Variants in GBE1 observed in about 807,000 individuals in gnomAD.
GBE1 encodes 1,4-alpha-glucan-branching enzyme.
Under a neutral mutation model 88.8 loss-of-function variants are expected in GBE1, and 70 were observed. The ratio of observed to expected loss-of-function variants is 0.79; its 90% CI spans 0.65 to 0.96. The LOEUF (loss-of-function observed/expected upper bound fraction) is 0.96, where lower values mean the gene tolerates loss of function less well. GBE1 is among the 40% of genes least tolerant of loss of function. The probability of loss-of-function intolerance (pLI) is 0.00; values close to 1 mark genes in which losing one functional copy is unlikely to be tolerated. For synonymous variants in GBE1, 284 were observed against 300.1 expected (o/e 0.95, Z 0.56); for missense variants, 872 against 871.0 (o/e 1.00, Z -0.01).
chr3:81,653,126 A>G (rs1377799179), intron 3 of GBE1, among the ~76,000 whole-genome samples: 1 of 152,124 alleles, frequency 6.6e-6, no homozygotes, highest in African/African-American at 2.4e-5. Flanking sequence ...AGCAGTATAA[A>G]ATTTCTGAAT....
At chr3:81,508,540 C>G (rs774230337) in intron 14 of GBE1, among the ~76,000 whole-genome samples, 1 of 152,058 alleles carries the variant, frequency 6.6e-6, no homozygotes, top group South Asian at 2.1e-4. Flanking sequence ...AGACTCAACA[C>G]TTTTTTTAAA....
At chr3:81,597,505 A>ATATC (rs1480382684) in intron 7 of GBE1, among the ~76,000 whole-genome samples, 8 of 146,032 alleles carry the variant, frequency 5.5e-5, no homozygotes, top group East Asian at 2.0e-4. Context: ...ATATATATAT[A>ATATC]TCTCATTGGT....
At chr3:81,594,419 G>C (rs910644443) in intron 7 of GBE1, among the ~76,000 whole-genome samples, 1 of 151,840 alleles carries the variant, frequency 6.6e-6, no homozygotes, top group African/African-American at 2.4e-5. Flanking sequence ...TTTTTAAAAA[G>C]GATTTTCATG....
chr3:81,512,946 C>T lies in GBE1; in HGVS notation c.1935-13719G>A, dbSNP rs995386221. ...TGAAAAAAAATAAGCTTATATATATCTTAACCCAAGTAATTTTGTTTAATT... is the reference window on the plus strand; with the variant it reads ...TGAAAAAAAATAAGCTTATATATATTTTAACCCAAGTAATTTTGTTTAATT... On this transcript the variant is annotated intron_variant, in intron 14 of 15. Transcript: ENST00000429644. Among the ~76,000 whole-genome samples the T allele has an allele frequency of 4.0e-5, 6 of 151,796 alleles. No homozygotes were observed. The East Asian group carries it at 9.7e-4, about 25-fold the overall frequency.
chr3:81,565,966 A>G (rs1703489181), intron 12 of GBE1, among the ~76,000 whole-genome samples: 1 of 152,284 alleles, frequency 6.6e-6, no homozygotes, highest in African/African-American at 2.4e-5. Flanking sequence ...TTTAAACTTT[A>G]TTTACTGATG....
chr3:81,731,850 T>G (rs1469689876), intron 1 of GBE1, among the ~76,000 whole-genome samples: 3 of 152,136 alleles, frequency 2.0e-5, no homozygotes, highest in Non-Finnish European at 2.9e-5. Context: ...CAATTAAACT[T>G]CTTTTATTTA....
At chr3:81,490,610 T>C (rs1294374409) in intron 15 of GBE1, 147 bp from the exon 16 acceptor site, 5 of 695,830 alleles carry the variant, frequency 7.2e-6, no homozygotes, top group Admixed American at 2.8e-5. Flanking sequence ...GAAGGCTCAA[T>C]TTCACAGTTC....
At chr3:81,599,028 T>C (rs1251449964) in intron 7 of GBE1, among the ~76,000 whole-genome samples, 2 of 152,142 alleles carry the variant, frequency 1.3e-5, no homozygotes, top group Non-Finnish European at 2.9e-5. Context: ...TAAATTGTAC[T>C]TAGCATATTA....
At chr3:81,495,333 G>C (rs1158814986) in intron 15 of GBE1, among the ~76,000 whole-genome samples, 1 of 152,130 alleles carries the variant, frequency 6.6e-6, no homozygotes, top group African/African-American at 2.4e-5. Flanking sequence ...AGGTTGCAGT[G>C]AGTCAAGATC....
intron 1 of GBE1, among the ~76,000 whole-genome samples, chr3:81,731,154 T>C (rs1165075936): frequency 2.6e-5 from 4 of 152,100 alleles, no homozygotes; most frequent in Non-Finnish European, 5.9e-5. Flanking sequence ...ACCCAACCTC[T>C]ATGGACTGTA....
At chr3:81,703,883 G>C (rs1337437551) in intron 2 of GBE1, among the ~76,000 whole-genome samples, 1 of 151,912 alleles carries the variant, frequency 6.6e-6, no homozygotes, top group African/African-American at 2.4e-5. Flanking sequence ...AGACATGATT[G>C]AAAGTATAAG....
intron 7 of GBE1, among the ~76,000 whole-genome samples, chr3:81,627,407 T>A (rs1704432927): frequency 1.3e-5 from 2 of 152,168 alleles, no homozygotes; most frequent in South Asian, 4.1e-4. Context: ...TGGCTTCGTA[T>A]AAAGGAGAAA....
rs138528614 is a variant in GBE1, at chr3:81,608,783, C to T, written c.993-14760G>A. 4.3e-3 allele frequency among the ~76,000 whole-genome samples: 652 copies of T among 152,282 alleles called. 4 individuals are homozygous for T. Among genetic ancestry groups the T allele is most frequent in the African/African-American group, 0.015 (612 of 41,566 alleles). ...TATCCATATAATCATATTTAATTTTCTCACTACACTTTTGGTAGGGTAGAG... is the reference window on the plus strand; with the variant it reads ...TATCCATATAATCATATTTAATTTTTTCACTACACTTTTGGTAGGGTAGAG... On this transcript the variant is annotated intron_variant, in intron 7 of 15. Coordinates refer to ENST00000429644, the MANE Select transcript of GBE1 (RefSeq NM_000158.4).
intron 1 of GBE1, among the ~76,000 whole-genome samples, chr3:81,750,304 T>TA (rs980318003): frequency 4.0e-5 from 6 of 151,754 alleles, no homozygotes; most frequent in African/African-American, 1.5e-4. Flanking sequence ...GGTACAATGT[T>TA]AAAGCCTCAT....
intron 7 of GBE1, among the ~76,000 whole-genome samples, chr3:81,625,791 T>G (rs901759558): frequency 6.6e-6 from 1 of 152,026 alleles, no homozygotes; most frequent in Non-Finnish European, 1.5e-5. Flanking sequence ...ATCACAAAGC[T>G]TAATCACCAA....
At chr3:81,556,584 T>C (rs1402761808) in intron 12 of GBE1, among the ~76,000 whole-genome samples, 2 of 152,118 alleles carry the variant, frequency 1.3e-5, no homozygotes, top group African/African-American at 2.4e-5. Flanking sequence ...TCTAGACTAC[T>C]ATCCAGGAAT....
chr3:81,563,624 G>A (rs1703450586), intron 12 of GBE1, among the ~76,000 whole-genome samples: 1 of 152,050 alleles, frequency 6.6e-6, no homozygotes, highest in African/African-American at 2.4e-5. Context: ...GACCTATCCA[G>A]TTCCCTGTAT....
At chr3:81,674,079 C>T (rs1705223187) in intron 2 of GBE1, among the ~76,000 whole-genome samples, 1 of 151,746 alleles carries the variant, frequency 6.6e-6, no homozygotes, top group Non-Finnish European at 1.5e-5. Flanking sequence ...CAAATAAATC[C>T]CTCTTCAGCT....
chr3:81,542,826 C>G lies in GBE1; in HGVS notation c.1619-5731G>C, dbSNP rs1703159328. Reference sequence around the variant, plus strand: ...CAATATATCCACATAACAAACTGCCCATGTACCCCATGCATCTAAAATAAA... The same window carrying G: ...CAATATATCCACATAACAAACTGCCGATGTACCCCATGCATCTAAAATAAA... On this transcript the variant is annotated intron_variant, in intron 12 of 15. Coordinates refer to ENST00000429644, the MANE Select transcript of GBE1 (RefSeq NM_000158.4). Among the ~76,000 whole-genome samples the G allele has an allele frequency of 2.6e-5, 4 of 151,938 alleles. No homozygotes were observed. In the South Asian group the frequency reaches 8.3e-4, roughly 32 times the overall value.
Sources: gnomAD v4.1 joint callset for allele counts (sites outside exome capture counted in the v4.1 genomes callset) on GRCh38, gnomAD v4.1.1 for gene constraint, MANE v1.5 for transcripts, NCBI Gene and HGNC (gene_info 2026-07-23, HGNC 2026-07-21) for gene names.